BUB3: variants seen among roughly 807,000 people sequenced by gnomAD.
BUB3 encodes mitotic checkpoint protein BUB3.
Under a neutral mutation model 39.9 loss-of-function variants are expected in BUB3, and 22 were observed. That is an observed-to-expected ratio of 0.55 (90% CI 0.39 to 0.79). The LOEUF (loss-of-function observed/expected upper bound fraction) is 0.79. Ranked by LOEUF, BUB3 falls within the 30% of genes least tolerant of loss-of-function variation. BUB3 has a pLI of 0.00. For missense variants in BUB3, 303 were observed against 415.4 expected (o/e 0.73, Z 2.35); for synonymous variants, 168 against 155.1 (o/e 1.08, Z -0.62).
At chr10:123,162,982 C>T (rs1844445426) in intron 7 of BUB3, 154 bp downstream of exon 7, 1 of 729,706 alleles carries the variant, frequency 1.4e-6, no homozygotes, top group African/African-American at 1.8e-5. Context: ...CCCAAGCTTT[C>T]AATATCCGTA....
chr10:123,157,410 T>A (rs1379406624), intron 3 of BUB3, among the ~76,000 whole-genome samples: 1 of 152,232 alleles, frequency 6.6e-6, no homozygotes, highest in East Asian at 1.9e-4. Context: ...ACGCAGTTCC[T>A]GATAGGAAAT....
At position 123,167,424 on chromosome 10, in the gene BUB3, AC is replaced by A. The variant is rs1477707264; in HGVS notation, c.*3591del. On this transcript the variant is annotated 3_prime_UTR_variant, in exon 8 of 8. Transcript: ENST00000368865. ...CGTATGAAACACCTCCTGCTTGTAT[AC>A]CTTTAGCAGTAGTTCCTCATATTGC... 1 of 152,170 alleles carries A rather than the reference AC, an allele frequency of 6.6e-6. No individual in the cohort carries two copies. Among genetic ancestry groups the A allele is most frequent in the East Asian group, 1.9e-4 (1 of 5,168 alleles). 9.4% of individuals were successfully genotyped at this position (152,170 alleles called of 1,614,324 possible).
At chr10:123,156,086 A>T (rs1844344521) in intron 3 of BUB3, among the ~76,000 whole-genome samples, 1 of 152,238 alleles carries the variant, frequency 6.6e-6, no homozygotes, top group Admixed American at 6.5e-5. Context: ...AGTTTTTAGA[A>T]GCTAATTTAG....
Position 123,154,961 on chromosome 10 carries a change from A to G in BUB3, c.44A>G (p.Asp15Gly), listed in dbSNP as rs761188004. The change falls in exon 2 of 8, where the codon GAT (aspartate) becomes GGT (glycine). Residue 15 changes from aspartate (D) to glycine (G), a missense_variant. Transcript: ENST00000368865. Reference protein sequence around the residue: ...NEFKLNQPPEDGISSVKFSPN... With the variant: ...NEFKLNQPPEGGISSVKFSPN... ...TTCAAGCTGAACCAGCCACCCGAGG[A>G]TGGCATCTCCTCCGTGAAGTTCAGC... 1 of 1,614,070 alleles carries G rather than the reference A, an allele frequency of 6.2e-7. No individual in the cohort carries two copies. Among genetic ancestry groups the G allele is most frequent in the Admixed American group, 1.7e-5 (1 of 60,008 alleles).
chr10:123,158,005 A>G, intron 4 of BUB3, 125 bp downstream of exon 4: 1 of 1,086,690 alleles, frequency 9.2e-7, no homozygotes, highest in Admixed American at 3.4e-5. Flanking sequence ...AAAAAGGTTG[A>G]CAGTTGGTTT....
In BUB3 at chr10:123,162,843, CCTGTAT is replaced by C. The variant is rs1844443611; in HGVS notation, c.971+16_971+21del. ...ACAAAACCCAAGTGAGTATGCTTCA[CCTGTAT>C]TTGAGCCTTTTCTTGCATTCAACCC... On this transcript the variant is annotated intron_variant, in intron 7 of 7. Coordinates refer to ENST00000368865, the MANE Select transcript of BUB3 (RefSeq NM_004725.4). 1 of 1,603,574 alleles carries C rather than the reference CCTGTAT, an allele frequency of 6.2e-7. No homozygotes were observed.
chr10:123,154,868 G>T (rs1390869042), intron 1 of BUB3, 50 bp from the exon 2 acceptor site: 1 of 1,557,210 alleles, frequency 6.4e-7, no homozygotes, highest in Non-Finnish European at 8.7e-7. Context: ...CTGTCAGTGC[G>T]CAGCCCCAGC....
Position 123,162,247 on chromosome 10 carries a change from A to C in BUB3, c.588A>C (p.Leu196Phe). The C allele has an allele frequency of 6.2e-7, 1 of 1,613,758 alleles. No individual in the cohort carries two copies. The highest frequency in any genetic ancestry group is 8.5e-7 in the Non-Finnish European group (1 of 1,179,880). The change falls in exon 6 of 8, where the codon TTA (leucine) becomes TTC (phenylalanine). Residue 196 changes from leucine (L) to phenylalanine (F), a missense_variant. Leu to Phe is a conservative substitution (Grantham distance 22). This residue lies in a region of BUB3 where 182 missense variants were observed against 293.1 expected (regional missense o/e 0.62). Coordinates refer to ENST00000368865, the MANE Select transcript of BUB3 (RefSeq NM_004725.4). ...RAFPNKQGYV[L>F]SSIEGRVAVE... ...TTCTCTCTTGGCAGGGTTATGTATT[A>C]AGCTCTATTGAAGGCCGAGTGGCAG...
rs1321210404 is a variant in BUB3, at chr10:123,169,357, T to C, written c.*5522T>C. On this transcript the variant is annotated 3_prime_UTR_variant, in exon 8 of 8. Transcript: ENST00000368865. ...TTTTTAAGGGCCACCTAGTTAGAAT[T>C]TGATTATTTGAGCAACTATTTAGTG... 6.6e-6 allele frequency: 1 copy of C among 152,264 alleles called. No homozygotes were observed. The highest frequency in any genetic ancestry group is 1.5e-5 in the Non-Finnish European group (1 of 68,048). The allele number at this position is 152,264 out of a possible 1,614,324, so 9.4% of individuals were successfully genotyped here. A position where few individuals can be genotyped will look rare whatever the true frequency, so the allele number is the denominator to read the frequency against.
At chr10:123,158,069 A>G (rs1844372704) in intron 4 of BUB3, among the ~76,000 whole-genome samples, 189 bp downstream of exon 4, 1 of 152,314 alleles carries the variant, frequency 6.6e-6, no homozygotes, top group East Asian at 1.9e-4. Flanking sequence ...TAACTTTGGG[A>G]TTTTGGGCCA....
At position 123,160,548 on chromosome 10, in the gene BUB3, G is replaced by A; in HGVS notation, c.559G>A (p.Ala187Thr). The A allele has an allele frequency of 6.2e-7, 1 of 1,600,400 alleles. No homozygotes were observed. The highest frequency in any genetic ancestry group is 8.5e-7 in the Non-Finnish European group (1 of 1,175,684). The change falls in exon 5 of 8, where the codon GCG (alanine) becomes ACG (threonine). Residue 187 changes from alanine to threonine, a missense_variant. This residue lies in a region of BUB3 where 182 missense variants were observed against 293.1 expected (regional missense o/e 0.62). Coordinates refer to ENST00000368865, the MANE Select transcript of BUB3 (RefSeq NM_004725.4). ...SLKYQTRCIRAFPNKQGYVLS... is the reference protein window; with the variant it reads ...SLKYQTRCIRTFPNKQGYVLS... ...GAAATACCAGACTCGCTGCATACGA[G>A]CGTTTCCAAACAAGCAGGTATTGAA... is the stretch of plus-strand genomic sequence containing the variant.
At position 123,157,820 on chromosome 10, in the gene BUB3, A is replaced by C; in HGVS notation, c.357A>C (p.Thr119=). The change falls in exon 4 of 8, where the codon ACA becomes ACC. Residue 119 remains threonine, a synonymous_variant. Transcript: ENST00000368865. The part of the protein sequence containing the change: ...NVMVTGSWDQ[T]VKLWDPRTPC... ...TGGTCACTGGAAGTTGGGATCAGAC[A>C]GTTAAACTGTGGGATCCCAGAACTC... The C allele has an allele frequency of 6.2e-7, 1 of 1,614,150 alleles. No individual in the cohort carries two copies. The highest frequency in any genetic ancestry group is 8.5e-7 in the Non-Finnish European group (1 of 1,180,008).
chr10:123,164,511 G>A lies in BUB3; in HGVS notation c.*676G>A. The stretch of plus-strand genomic sequence containing the variant: ...TATTAGCAAACAATTGATCCCAGAA[G>A]GGCAAATTGTTTGAGTCAGTAATGA... On this transcript the variant is annotated 3_prime_UTR_variant, in exon 8 of 8. Transcript: ENST00000368865. 1.0e-6 allele frequency: 1 copy of A among 985,768 alleles called. No individual in the cohort carries two copies. Among genetic ancestry groups the A allele is most frequent in the East Asian group, 1.1e-4 (1 of 8,818 alleles). The allele number at this position is 985,768 out of a possible 1,614,324, so 61.1% of individuals were successfully genotyped here. A position where few individuals can be genotyped will look rare whatever the true frequency, so the allele number is the denominator to read the frequency against.
intron 5 of BUB3, among the ~76,000 whole-genome samples, 193 bp from the exon 6 acceptor site, chr10:123,162,043 G>A (rs1212113604): frequency 6.6e-6 from 1 of 152,192 alleles, no homozygotes; most frequent in African/African-American, 2.4e-5. Context: ...TGTGAGGAAA[G>A]CATGTGATGA....
In BUB3 at chr10:123,162,356, C is replaced by T; in HGVS notation, c.697C>T (p.Gln233Ter). 1 of 1,614,072 alleles carries T rather than the reference C, an allele frequency of 6.2e-7. No individual in the cohort carries two copies. Among genetic ancestry groups the T allele is most frequent in the Non-Finnish European group, 8.5e-7 (1 of 1,179,976 alleles). The part of the protein sequence containing the change: ...CHRLKENNIE[Q>*]IYPVNAISFH... ...CAGACTAAAAGAAAATAATATTGAGCAGATTTACCCAGTCAATGCCATTTC... is the reference window on the plus strand; with the variant it reads ...CAGACTAAAAGAAAATAATATTGAGTAGATTTACCCAGTCAATGCCATTTC... The change falls in exon 6 of 8, where the codon CAG becomes TAG. Residue 233 changes from glutamine to a stop codon, truncating the protein, a stop_gained. Coordinates refer to ENST00000368865, the MANE Select transcript of BUB3 (RefSeq NM_004725.4). LOFTEE classifies it high-confidence loss of function.
At chr10:123,157,032 A>G (rs1287454806) in intron 3 of BUB3, among the ~76,000 whole-genome samples, 1 of 152,188 alleles carries the variant, frequency 6.6e-6, no homozygotes, top group East Asian at 1.9e-4. Flanking sequence ...TACTGTTTGC[A>G]GGTCAGGACC....
rs1053755281 is a variant in BUB3, at chr10:123,166,810, C to G, written c.*2975C>G. On this transcript the variant is annotated 3_prime_UTR_variant, in exon 8 of 8. Transcript: ENST00000368865. Reference sequence around the variant, plus strand: ...TGACAGCAATATCTGGTTCTGAGTTCTGTTGTGTAAAAACTTAAAGGTATA... The same window carrying G: ...TGACAGCAATATCTGGTTCTGAGTTGTGTTGTGTAAAAACTTAAAGGTATA... 1.3e-5 allele frequency: 2 copies of G among 152,180 alleles called. No homozygotes were observed. The highest frequency in any genetic ancestry group is 4.8e-5 in the African/African-American group (2 of 41,432). The allele number at this position is 152,180 out of a possible 1,614,324, so 9.4% of individuals were successfully genotyped here.
rs201044946 is a variant in BUB3 at position 123,157,886 on chromosome 10, C to T, written c.417+6C>T. 25 of 1,610,862 alleles carry T rather than the reference C, an allele frequency of 1.6e-5. No individual in the cohort carries two copies. The highest frequency in any genetic ancestry group is 2.2e-5 in the East Asian group (1 of 44,838). ...CCTTCTCTCAGCCTGAAAAGGTAGG[C>T]TCTTTATATTCATTGCAGGAGTTGA... is the stretch of plus-strand genomic sequence containing the variant. On this transcript the variant is annotated splice_donor_region_variant and intron_variant, in intron 4 of 7. Coordinates refer to ENST00000368865, the MANE Select transcript of BUB3 (RefSeq NM_004725.4).
chr10:123,169,477 C>T lies in BUB3; in HGVS notation c.*5642C>T, dbSNP rs757231282. On this transcript the variant is annotated 3_prime_UTR_variant, in exon 8 of 8. Transcript: ENST00000368865. ...CGTGGCCACATTTTGTTTTCAAGACCTTGGCCAACCTTTGGTCTTCACAGC... is the reference window on the plus strand; with the variant it reads ...CGTGGCCACATTTTGTTTTCAAGACTTTGGCCAACCTTTGGTCTTCACAGC... 13 of 152,218 alleles carry T rather than the reference C, an allele frequency of 8.5e-5. No homozygotes were observed. Among genetic ancestry groups the T allele is most frequent in the South Asian group, 2.1e-4 (1 of 4,832 alleles). 9.4% of individuals were successfully genotyped at this position (152,218 alleles called of 1,614,324 possible).
Sources: allele counts gnomAD v4.1 joint callset (sites outside exome capture counted in the v4.1 genomes callset), GRCh38; gene constraint gnomAD v4.1.1; regional missense constraint gnomAD v4.1.1; transcripts MANE v1.5; gene names NCBI Gene and HGNC (gene_info 2026-07-23, HGNC 2026-07-21).